Variants in PCLO observed in about 807,000 individuals in gnomAD.
The protein encoded by PCLO is piccolo presynaptic cytomatrix protein.
In PCLO, 82 loss-of-function variants were observed where a neutral mutation model predicts 427.5. The ratio of observed to expected loss-of-function variants is 0.19; its 90% confidence interval spans 0.16 to 0.23. The LOEUF (loss-of-function observed/expected upper bound fraction) is 0.23. Ranked by LOEUF, PCLO falls within the 10% of genes least tolerant of loss-of-function variation. PCLO has a pLI of 1.00. For synonymous variants in PCLO, 2,357 were observed against 2,155.4 expected, an observed-to-expected ratio of 1.09 and a Z score of -2.59; for missense variants, 6,239 against 6,115.9, an observed-to-expected ratio of 1.02 and a Z score of -0.67.
chr7:83,136,651 G>A (rs961340281), intron 2 of PCLO, among the ~76,000 whole-genome samples: 28 of 151,956 alleles, frequency 1.8e-4, no homozygotes, highest in African/African-American at 6.8e-4. Context: ...GATTTAACAG[G>A]GAAAACATGG....
rs753027344 is a variant in PCLO at position 82,915,150 on chromosome 7, G to A, written c.12836C>T (p.Ala4279Val). The A allele has an allele frequency of 2.3e-5, 37 of 1,592,858 alleles. No homozygotes were observed. The highest frequency in any genetic ancestry group is 5.6e-5 in the South Asian group (5 of 89,064). ...GCTGCCACTACTGTATGGCTTATCC[G>A]CTTCATCCTGCAGAGCTGAGCGTAT... ...NTIRSALQDE[A>V]DKPYSSGSRS... Residue 4279 changes from alanine to valine, a missense_variant, in exon 7 of 25, where the codon GCG (alanine) becomes GTG (valine). Coordinates refer to ENST00000333891, the MANE Select transcript of PCLO (RefSeq NM_033026.6).
At chr7:82,935,390 C>A (rs78075944) in intron 6 of PCLO, among the ~76,000 whole-genome samples, 1,677 of 151,076 alleles carry the variant, frequency 0.011, 33 homozygotes, top group African/African-American at 0.038. Flanking sequence ...GAGCTAAGTT[C>A]TTTCAAGTAT....
intron 3 of PCLO, among the ~76,000 whole-genome samples, chr7:83,050,133 T>A (rs749981861): frequency 1.5e-5 from 2 of 137,898 alleles, no homozygotes; most frequent in Non-Finnish European, 3.0e-5. Context: ...GGTGAGGCAA[T>A]CTGGGTCGGA....
At chr7:82,892,146 T>C (rs1455384648) in intron 9 of PCLO, among the ~76,000 whole-genome samples, 1 of 152,124 alleles carries the variant, frequency 6.6e-6, no homozygotes, top group African/African-American at 2.4e-5. Flanking sequence ...AGAACAAAGC[T>C]GGAGGCATCA....
In PCLO at chr7:83,030,996, T is replaced by C. The variant is rs527582237; in HGVS notation, c.3301-64509A>G. ...TCTTTTTCCTCAGGCTCTGATATGG[T>C]GTCACAAGGCAGGCACTGCACTGCA... On this transcript the variant is annotated intron_variant, in intron 3 of 24. Transcript: ENST00000333891. Among the ~76,000 whole-genome samples, 3 of 152,260 alleles carry C rather than the reference T, an allele frequency of 2.0e-5. No individual in the cohort carries two copies. In the South Asian group the frequency reaches 6.2e-4, roughly 32 times the overall value.
rs1792264133 is a variant in PCLO, at chr7:83,155,538, G to A, written c.1103C>T (p.Pro368Leu). 4 of 1,612,810 alleles carry A rather than the reference G, an allele frequency of 2.5e-6. No individual in the cohort carries two copies. The East Asian group carries it at 8.9e-5, about 36-fold the overall frequency. The change falls in exon 2 of 25, where the codon CCT (proline) becomes CTT (leucine). Residue 368 changes from proline to leucine, a missense_variant. Pro to Leu is a moderately conservative substitution (Grantham distance 98). Coordinates refer to ENST00000333891, the MANE Select transcript of PCLO (RefSeq NM_033026.6). ...AGTCTGCTGAGCTGGAGGCTTAGCA[G>A]GACCAAGAGGCTGAGCTGGAGGCTT... ...TTKPPAQPLG[P>L]AKPPAQQTGS... is the part of the protein sequence containing the mutation.
chr7:82,804,294 A>T (rs1330426043), intron 21 of PCLO, among the ~76,000 whole-genome samples: 1 of 151,938 alleles, frequency 6.6e-6, no homozygotes, highest in Non-Finnish European at 1.5e-5. Flanking sequence ...ATAAAAGAAA[A>T]GAAAGCTAAG....
chr7:82,842,507 G>T (rs1008594897), intron 13 of PCLO, among the ~76,000 whole-genome samples: 6 of 151,934 alleles, frequency 3.9e-5, no homozygotes, highest in Non-Finnish European at 7.4e-5. Flanking sequence ...AGATGACTCC[G>T]AAAGCACAGG....
At chr7:82,864,544 A>T (rs1257531483) in intron 10 of PCLO, among the ~76,000 whole-genome samples, 1 of 152,184 alleles carries the variant, frequency 6.6e-6, no homozygotes, top group Non-Finnish European at 1.5e-5. Flanking sequence ...GGTTTATAAT[A>T]ATTAGATCAT....
intron 3 of PCLO, among the ~76,000 whole-genome samples, chr7:83,003,594 C>G (rs946441244): frequency 6.6e-6 from 1 of 151,742 alleles, no homozygotes; most frequent in African/African-American, 2.4e-5. Context: ...TTTCTACATC[C>G]GTTGAGATGA....
chr7:82,804,364 A>G (rs1008207034), intron 21 of PCLO, among the ~76,000 whole-genome samples: 2 of 152,226 alleles, frequency 1.3e-5, no homozygotes, highest in Non-Finnish European at 2.9e-5. Flanking sequence ...GTAGTTCAAA[A>G]CAACAAAATG....
chr7:82,912,341 T>C (rs1468611756), intron 7 of PCLO, among the ~76,000 whole-genome samples: 1 of 151,836 alleles, frequency 6.6e-6, no homozygotes, highest in African/African-American at 2.4e-5. Context: ...AAACGAAAAG[T>C]ACACCATTAC....
At chr7:83,133,443 C>T (rs1015517233) in intron 3 of PCLO, among the ~76,000 whole-genome samples, 2 of 151,896 alleles carry the variant, frequency 1.3e-5, no homozygotes, top group Non-Finnish European at 2.9e-5. Context: ...TTCTAATAGC[C>T]CTAACATGCT....
chr7:82,952,722 C>A lies in PCLO; in HGVS notation c.8231G>T (p.Cys2744Phe), dbSNP rs755262348. Residue 2744 changes from cysteine to phenylalanine, a missense_variant, in exon 5 of 25, where the codon TGT becomes TTT. By Grantham distance (205) the Cys-to-Phe change is radical. This residue lies in a region of PCLO where 4,677 missense variants were observed against 4,468.4 expected (regional missense o/e 1.05). Transcript: ENST00000333891. ...CATTGTAGAAGCAGAAAGATCAATA[C>A]ATTTATCAGTTGTTTTAACTTCTAC... ...PKVEVKTTDK[C>F]IDLSASTMDV... is the part of the protein sequence containing the mutation. The A allele has an allele frequency of 3.1e-6, 5 of 1,613,580 alleles. No individual in the cohort carries two copies. In the Admixed American group the frequency reaches 6.7e-5, roughly 22 times the overall value.
intron 3 of PCLO, among the ~76,000 whole-genome samples, chr7:83,111,670 G>A (rs781010427): frequency 9.2e-5 from 14 of 152,180 alleles, no homozygotes; most frequent in Non-Finnish European, 1.8e-4. Flanking sequence ...TAGACCTCGA[G>A]TGCAGTCTTG....
chr7:83,160,724 C>T (rs1377349838), intron 1 of PCLO, among the ~76,000 whole-genome samples: 3 of 152,048 alleles, frequency 2.0e-5, no homozygotes, highest in African/African-American at 4.8e-5. Flanking sequence ...TGTTTCTCAG[C>T]CACCTTCTAA....
Position 82,866,509 on chromosome 7 carries a change from T to C in PCLO, c.13654+12828A>G, listed in dbSNP as rs544363555. ...AAAAAACTTTGAAAAAATGAATGAA[T>C]AAATAATGGCATTCAGCAAACTCAA... On this transcript the variant is annotated intron_variant, in intron 10 of 24. Transcript: ENST00000333891. Among the ~76,000 whole-genome samples the C allele has an allele frequency of 1.2e-4, 19 of 152,128 alleles. No individual in the cohort carries two copies. The South Asian group carries it at 3.9e-3, about 32-fold the overall frequency.
At chr7:82,917,541 T>C (rs1301715979) in intron 6 of PCLO, among the ~76,000 whole-genome samples, 1 of 152,084 alleles carries the variant, frequency 6.6e-6, no homozygotes, top group African/African-American at 2.4e-5. Context: ...TATTTTTCAT[T>C]TCATTTGGTT....
chr7:83,097,955 A>G (rs1349622172), intron 3 of PCLO, among the ~76,000 whole-genome samples: 1 of 152,174 alleles, frequency 6.6e-6, no homozygotes, highest in Non-Finnish European at 1.5e-5. Flanking sequence ...TAATATCTGC[A>G]TTTATAATGT....
Sources: gnomAD v4.1 joint callset for allele counts (sites outside exome capture counted in the v4.1 genomes callset) on GRCh38, gnomAD v4.1.1 for gene constraint, gnomAD v4.1.1 regional missense constraint, MANE v1.5 for transcripts, NCBI Gene and HGNC (gene_info 2026-07-23, HGNC 2026-07-21) for gene names.